Variants in TAF4 observed in about 807,000 individuals in gnomAD.
TAF4 encodes TATA-box binding protein associated factor 4.
Under a neutral mutation model 90.3 loss-of-function variants are expected in TAF4, and 9 were observed. That is an observed-to-expected ratio of 0.10 (90% CI 0.06 to 0.17). TAF4 has a LOEUF of 0.17. TAF4 is among the 10% of genes least tolerant of loss of function. TAF4 has a pLI of 1.00. For synonymous variants in TAF4, 818 were observed against 638.9 expected (o/e 1.28, Z -4.23); for missense variants, 1,351 against 1,370.7 (o/e 0.99, Z 0.23).
chr20:62,040,914 G>A (rs950153609), intron 1 of TAF4, among the ~76,000 whole-genome samples: 19 of 152,236 alleles, frequency 1.2e-4, no homozygotes, highest in Non-Finnish European at 2.2e-4. Flanking sequence ...AGCTTTATTC[G>A]TAATAGCCAA....
rs367621428 is a variant in TAF4 at position 62,006,630 on chromosome 20, C to T, written c.2103G>A (p.Ser701=). 301 of 1,603,990 alleles carry T rather than the reference C, an allele frequency of 1.9e-4. 5 individuals carry two copies. Among genetic ancestry groups the T allele is most frequent in the Non-Finnish European group, 4.0e-5 (47 of 1,174,846 alleles). ...TALTAVVLSS[S]VQRTAGKTAA... is the part of the protein sequence containing the mutation. The stretch of plus-strand genomic sequence containing the variant: ...CCGTCTTCCCGGCCGTGCGCTGGAC[C>T]GAGCTACTCAGCACCACGGCCGTGA... The change falls in exon 7 of 15, where the codon TCG becomes TCA. Residue 701 remains serine (S), a synonymous_variant. Transcript: ENST00000252996. The surrounding 1 kb of genome is among the most constrained non-coding windows in gnomAD (Gnocchi z 7.0).
chr20:62,033,978 C>A (rs1237195134), intron 1 of TAF4, among the ~76,000 whole-genome samples: 1 of 150,476 alleles, frequency 6.6e-6, no homozygotes, highest in Non-Finnish European at 1.5e-5. Flanking sequence ...TGAGGCAGAG[C>A]TTGCAGTGAG....
chr20:62,014,985 C>A (rs984303593), intron 1 of TAF4, among the ~76,000 whole-genome samples: 7 of 152,236 alleles, frequency 4.6e-5, no homozygotes, highest in African/African-American at 1.7e-4. Context: ...GCAATGGCTT[C>A]CACCGGCCAC....
rs536010683 is a variant in TAF4, at chr20:62,060,141, G to A, written c.1360+4310C>T. On this transcript the variant is annotated intron_variant, in intron 1 of 14. Transcript: ENST00000252996. ...ACTTCCACAGCACACCGGGGAGCCC[G>A]GGGGCAGTCCTGGAAGCCAGGGTGG... Among the ~76,000 whole-genome samples, 8 of 152,308 alleles carry A rather than the reference G, an allele frequency of 5.3e-5. No individual in the cohort carries two copies. In the East Asian group the frequency reaches 5.8e-4, roughly 11 times the overall value.
intron 6 of TAF4, chr20:62,007,080 T>C (rs2055750839): frequency 3.3e-6 from 1 of 302,314 alleles, no homozygotes; most frequent in African/African-American, 2.1e-5. Context: ...TGGAAATAAG[T>C]ACTCAAGGTG....
Position 62,006,558 on chromosome 20 carries a change from C to A in TAF4, c.2175G>T (p.Thr725=), listed in dbSNP as rs751595601. Residue 725 remains threonine (T), a synonymous_variant, in exon 7 of 15, where the codon ACG becomes ACT. Transcript: ENST00000252996. The surrounding 1 kb of genome is among the most constrained non-coding windows in gnomAD (Gnocchi z 7.0). ...SALQPPVLSL[T]QPTQVGVGKQ... Reference sequence around the variant, plus strand: ...TGCCGACGCCGACCTGCGTGGGCTGCGTGAGGCTGAGCACAGGGGGCTGGA... The same window carrying A: ...TGCCGACGCCGACCTGCGTGGGCTGAGTGAGGCTGAGCACAGGGGGCTGGA... 2 of 1,580,520 alleles carry A rather than the reference C, an allele frequency of 1.3e-6. No homozygotes were observed. The highest frequency in any genetic ancestry group is 1.8e-5 in the Admixed American group (1 of 56,358).
At chr20:61,979,425 C>T (rs373057919) in intron 14 of TAF4, 1 of 150,532 alleles carries the variant, frequency 6.6e-6, no homozygotes, top group Non-Finnish European at 1.5e-5. Context: ...CCCGTGCAGG[C>T]GCAATGGCCA....
Position 62,064,467 on chromosome 20 carries a change from G to A in TAF4, c.1344C>T (p.Asn448=). The A allele has an allele frequency of 1.4e-6, 2 of 1,475,796 alleles. No individual in the cohort carries two copies. The highest frequency in any genetic ancestry group is 2.9e-5 in the African/African-American group (2 of 69,714). The allele number at this position is 1,475,796 out of a possible 1,614,324, so 91.4% of individuals were successfully genotyped here. A position where few individuals can be genotyped will look rare whatever the true frequency, so the allele number is the denominator to read the frequency against. Residue 448 remains asparagine, a synonymous_variant, in exon 1 of 15, where the codon AAC becomes AAT. Coordinates refer to ENST00000252996, the MANE Select transcript of TAF4 (RefSeq NM_003185.4). ...QPPQNPTNIQ[N]FQLPPGMVLV... is the part of the protein sequence containing the mutation. ...GCCACTCACCTGGGGGCAGCTGGAA[G>A]TTCTGGATGTTGGTCGGGTTCTGAG... is the stretch of plus-strand genomic sequence containing the variant.
chr20:62,006,824 AT>A lies in TAF4; in HGVS notation c.1975-67del, dbSNP rs2055749364. 7.1e-7 allele frequency: 1 copy of A among 1,418,330 alleles called. No homozygotes were observed. 87.9% of individuals were successfully genotyped at this position (1,418,330 alleles called of 1,614,324 possible). A position where few individuals can be genotyped will look rare whatever the true frequency, so the allele number is the denominator to read the frequency against. On this transcript the variant is annotated intron_variant, in intron 6 of 14. Coordinates refer to ENST00000252996, the MANE Select transcript of TAF4 (RefSeq NM_003185.4). This position sits in a 1 kb window ranked among gnomAD's most constrained non-coding sequence, Gnocchi z 7.0. ...ATGCGTCGGTTTTCCTTGCTTAAAA[AT>A]TCAGAAATATCAACTTTTACAGAAA...
chr20:62,044,690 G>C (rs538413276), intron 1 of TAF4, among the ~76,000 whole-genome samples: 86 of 152,324 alleles, frequency 5.6e-4, no homozygotes, highest in African/African-American at 1.9e-3. Flanking sequence ...TAGGATCTAA[G>C]CTTTTCTGTG....
chr20:62,042,963 G>A lies in TAF4; in HGVS notation c.1360+21488C>T, dbSNP rs189602809. ...GATGATCCTGACTCTGTAGGCCTAGGCTAACGTGTGCTTGTGTCTTGTTTC... is the reference window on the plus strand; with the variant it reads ...GATGATCCTGACTCTGTAGGCCTAGACTAACGTGTGCTTGTGTCTTGTTTC... On this transcript the variant is annotated intron_variant, in intron 1 of 14. Transcript: ENST00000252996. Among the ~76,000 whole-genome samples, 14 of 152,210 alleles carry A rather than the reference G, an allele frequency of 9.2e-5. No homozygotes were observed. The East Asian group carries it at 2.7e-3, about 29-fold the overall frequency.
chr20:61,988,363 T>C (rs1202761135), intron 14 of TAF4, among the ~76,000 whole-genome samples: 1 of 152,112 alleles, frequency 6.6e-6, no homozygotes, highest in African/African-American at 2.4e-5. Context: ...AAAACTGCTC[T>C]AAAAAATAGT....
At chr20:62,053,634 G>C (rs1449752250) in intron 1 of TAF4, among the ~76,000 whole-genome samples, 5 of 152,194 alleles carry the variant, frequency 3.3e-5, no homozygotes, top group Non-Finnish European at 1.5e-5. Context: ...GATCCACAAG[G>C]TCTCACCTGA....
intron 1 of TAF4, among the ~76,000 whole-genome samples, chr20:62,057,337 G>A (rs1568944602): frequency 1.3e-5 from 2 of 152,184 alleles, no homozygotes; most frequent in Admixed American, 1.3e-4. Context: ...TCAGACCTCT[G>A]ACCCCAACCC....
In TAF4 at chr20:62,064,594, C is replaced by T; in HGVS notation, c.1217G>A (p.Gly406Asp). 1 of 1,469,516 alleles carries T rather than the reference C, an allele frequency of 6.8e-7. No homozygotes were observed. Among genetic ancestry groups the T allele is most frequent in the Non-Finnish European group, 9.0e-7 (1 of 1,113,846 alleles). 91.0% of individuals were successfully genotyped at this position (1,469,516 alleles called of 1,614,324 possible). A position where few individuals can be genotyped will look rare whatever the true frequency, so the allele number is the denominator to read the frequency against. Residue 406 changes from glycine (G) to aspartate (D), a missense_variant, in exon 1 of 15, where the codon GGC (glycine) becomes GAC (aspartate). Coordinates refer to ENST00000252996, the MANE Select transcript of TAF4 (RefSeq NM_003185.4). ...CCGGGACAGGCTCTGGGTCACTGCG[C>T]CGGCCGCGCCTTTGGGCAGCCCGGT... is the stretch of plus-strand genomic sequence containing the variant. ...TPTGLPKGAA[G>D]AVTQSLSRTP...
chr20:62,016,599 T>G (rs1168318226), intron 1 of TAF4, among the ~76,000 whole-genome samples: 3 of 152,222 alleles, frequency 2.0e-5, no homozygotes, highest in African/African-American at 4.8e-5. Context: ...GACTGAAGGC[T>G]GCACTGTCGG....
intron 1 of TAF4, among the ~76,000 whole-genome samples, chr20:62,020,794 C>G (rs2057624477): frequency 6.6e-6 from 1 of 152,220 alleles, no homozygotes; most frequent in Admixed American, 6.5e-5. Flanking sequence ...CCGAGGCATT[C>G]CCCCTGAATA....
At chr20:62,012,722 A>C (rs1423612791) in intron 3 of TAF4, 93 bp downstream of exon 3, 2 of 1,355,922 alleles carry the variant, frequency 1.5e-6, no homozygotes, top group African/African-American at 1.5e-5. Context: ...AGTTTAAAAA[A>C]AAAAAAAAAC....
chr20:62,006,926 G>GC lies in TAF4; in HGVS notation c.1975-169dup. 1 of 870,550 alleles carries GC rather than the reference G, an allele frequency of 1.1e-6. No individual in the cohort carries two copies. Among genetic ancestry groups the GC allele is most frequent in the East Asian group, 3.3e-5 (1 of 30,202 alleles). The allele number at this position is 870,550 out of a possible 1,614,324, so 53.9% of individuals were successfully genotyped here. On this transcript the variant is annotated intron_variant, in intron 6 of 14. Transcript: ENST00000252996. The surrounding 1 kb of genome is among the most constrained non-coding windows in gnomAD (Gnocchi z 7.0). ...ATGTCAAGGGCCAGGACCCCATCCT[G>GC]CCCTCCCACTAAGTGGGATTATTCC...
Sources: gnomAD v4.1 joint callset for allele counts (sites outside exome capture counted in the v4.1 genomes callset) on GRCh38, gnomAD v4.1.1 for gene constraint, Gnocchi (gnomAD v3.1) non-coding constraint, MANE v1.5 for transcripts, NCBI Gene and HGNC (gene_info 2026-07-23, HGNC 2026-07-21) for gene names.